The following ERBB4 variants were observed in gnomAD, a reference collection of about 807,000 sequenced individuals.
The protein encoded by ERBB4 is receptor tyrosine-protein kinase erbB-4.
Under a neutral mutation model 158.0 loss-of-function variants are expected in ERBB4, and 42 were observed. The observed-to-expected ratio is 0.27, with a 90% CI of 0.21 to 0.34. The LOEUF (loss-of-function observed/expected upper bound fraction) is 0.34. Ranked by LOEUF, ERBB4 falls within the 10% of genes least tolerant of loss-of-function variation. The pLI is 1.00. For missense variants in ERBB4, 1,333 were observed against 1,624.1 expected, an observed-to-expected ratio of 0.82 and a Z score of 3.08; for synonymous variants, 583 against 558.7, an observed-to-expected ratio of 1.04 and a Z score of -0.61.
intron 2 of ERBB4, among the ~76,000 whole-genome samples, chr2:212,052,895 T>C (rs1272389528): frequency 6.6e-6 from 1 of 152,240 alleles, no homozygotes; most frequent in Non-Finnish European, 1.5e-5. Flanking sequence ...TGTTCTCCCA[T>C]TTGACATCAC....
At chr2:211,623,499 C>T (rs554186550) in intron 18 of ERBB4, among the ~76,000 whole-genome samples, 4 of 151,968 alleles carry the variant, frequency 2.6e-5, no homozygotes, top group East Asian at 1.9e-4. Context: ...GATGGAGAGG[C>T]GTTGGATAAA....
chr2:211,679,160 T>C lies in ERBB4; in HGVS notation c.1514A>G (p.His505Arg), dbSNP rs759391678. 6.2e-7 allele frequency: 1 copy of C among 1,613,900 alleles called. No homozygotes were observed. Among genetic ancestry groups the C allele is most frequent in the South Asian group, 1.1e-5 (1 of 91,074 alleles). ...NCTAEGMVCN[H>R]LCSSDGCWGP... is the part of the protein sequence containing the mutation. The stretch of plus-strand genomic sequence containing the variant: ...CCAACAGCCATCACTGGAACACAGA[T>C]GGTTGCACACCATTCCTTCAGCAGC... The change falls in exon 13 of 28, where the codon CAT becomes CGT. Residue 505 changes from histidine (H) to arginine (R), a missense_variant. Around this residue, in one of 5 missense-constraint regions of ERBB4, gnomAD observed 245 missense variants for 247.5 expected, o/e 0.99. Coordinates refer to ENST00000342788, the MANE Select transcript of ERBB4 (RefSeq NM_005235.3).
intron 17 of ERBB4, among the ~76,000 whole-genome samples, chr2:211,627,008 C>G (rs1004303257): frequency 6.6e-6 from 1 of 151,260 alleles, no homozygotes; most frequent in African/African-American, 2.4e-5. Flanking sequence ...GTTTGAAGGA[C>G]ATTCTTATAA....
intron 2 of ERBB4, among the ~76,000 whole-genome samples, chr2:211,988,591 A>G (rs1395760593): frequency 6.6e-6 from 1 of 152,068 alleles, no homozygotes; most frequent in Non-Finnish European, 1.5e-5. Flanking sequence ...TCAAGTTTCT[A>G]AATTATTCTT....
intron 1 of ERBB4, among the ~76,000 whole-genome samples, chr2:212,335,568 A>G (rs2088396722): frequency 6.6e-6 from 1 of 152,028 alleles, no homozygotes; most frequent in African/African-American, 2.4e-5. Flanking sequence ...GATTCAATTA[A>G]TAACTGTTAT....
intron 20 of ERBB4, among the ~76,000 whole-genome samples, chr2:211,479,229 A>T (rs1240491736): frequency 6.6e-6 from 1 of 152,122 alleles, no homozygotes; most frequent in African/African-American, 2.4e-5. Flanking sequence ...TGGTCTGGAG[A>T]TCATACTCTG....
chr2:211,508,148 C>A (rs1460535897), intron 20 of ERBB4, among the ~76,000 whole-genome samples: 2 of 152,002 alleles, frequency 1.3e-5, no homozygotes, highest in African/African-American at 4.8e-5. Flanking sequence ...TCTAATCAAA[C>A]TAAAGAGCTT....
intron 20 of ERBB4, among the ~76,000 whole-genome samples, chr2:211,510,681 G>C (rs1269618402): frequency 6.6e-6 from 1 of 152,008 alleles, no homozygotes; most frequent in African/African-American, 2.4e-5. Context: ...AAAGCTGTAT[G>C]ATTATTAAAA....
chr2:211,741,276 A>G (rs1203789577), intron 5 of ERBB4, among the ~76,000 whole-genome samples: 1 of 152,198 alleles, frequency 6.6e-6, no homozygotes, highest in Admixed American at 6.5e-5. Context: ...TTTTACTGGT[A>G]GAACTTTCAG....
rs141734574 is a variant in ERBB4, at chr2:211,939,559, C to T, written c.421+7871G>A. On this transcript the variant is annotated intron_variant, in intron 3 of 27. Coordinates refer to ENST00000342788, the MANE Select transcript of ERBB4 (RefSeq NM_005235.3). ...TAGGTTCTGCCAAGCTTGAGGCTGCCTCCTCTAACTAAACTTGATGATGTA... is the reference window on the plus strand; with the variant it reads ...TAGGTTCTGCCAAGCTTGAGGCTGCTTCCTCTAACTAAACTTGATGATGTA... 3.3e-5 allele frequency among the ~76,000 whole-genome samples: 5 copies of T among 152,164 alleles called. No homozygotes were observed. The East Asian group carries it at 9.6e-4, about 29-fold the overall frequency.
At chr2:212,240,662 A>AAAAAAAAAAAAAAAAAACAAAAAC (rs1559823282) in intron 1 of ERBB4, among the ~76,000 whole-genome samples, 2 of 147,450 alleles carry the variant, frequency 1.4e-5, no homozygotes, top group African/African-American at 2.5e-5. Flanking sequence ...AAAAAAAAAA[A>AAAAAAAAAAAAAAAAAACAAAAAC]AAAAACAGAA....
intron 20 of ERBB4, among the ~76,000 whole-genome samples, chr2:211,554,003 T>G (rs2067172161): frequency 6.6e-6 from 1 of 152,226 alleles, no homozygotes; most frequent in Non-Finnish European, 1.5e-5. Flanking sequence ...CATGTTCTCA[T>G]GAAGACAATA....
intron 7 of ERBB4, among the ~76,000 whole-genome samples, chr2:211,713,852 T>C (rs576876557): frequency 6.6e-6 from 1 of 152,328 alleles, no homozygotes; most frequent in East Asian, 1.9e-4. Flanking sequence ...CAACAACTAG[T>C]ACTTGCTTGG....
At chr2:212,528,699 C>T (rs1346402839) in intron 1 of ERBB4, among the ~76,000 whole-genome samples, 1 of 152,080 alleles carries the variant, frequency 6.6e-6, no homozygotes, top group Non-Finnish European at 1.5e-5. Flanking sequence ...AATCTGGTAA[C>T]CTGAAAAGAA....
chr2:211,748,666 T>C (rs1019352728), intron 5 of ERBB4, among the ~76,000 whole-genome samples: 1 of 152,242 alleles, frequency 6.6e-6, no homozygotes, highest in African/African-American at 2.4e-5. Flanking sequence ...AAGGAGCTTT[T>C]GCAGAAGCCT....
chr2:212,432,872 C>T (rs1025337160), intron 1 of ERBB4, among the ~76,000 whole-genome samples: 9 of 151,956 alleles, frequency 5.9e-5, no homozygotes, highest in African/African-American at 1.7e-4. Flanking sequence ...TTCAGATGGT[C>T]GGTGAGGATA....
intron 1 of ERBB4, among the ~76,000 whole-genome samples, chr2:212,423,188 A>T (rs1340192290): frequency 6.6e-6 from 1 of 152,136 alleles, no homozygotes; most frequent in Non-Finnish European, 1.5e-5. Flanking sequence ...AAAAAAATGC[A>T]ATTATAAGCA....
At chr2:211,918,600 T>C (rs2079767590) in intron 3 of ERBB4, among the ~76,000 whole-genome samples, 2 of 152,194 alleles carry the variant, frequency 1.3e-5, no homozygotes, top group African/African-American at 4.8e-5. Flanking sequence ...GTCCCTCTAG[T>C]ACTATTCTCC....
intron 10 of ERBB4, among the ~76,000 whole-genome samples, chr2:211,704,873 CAT>C (rs1399912704): frequency 3.9e-5 from 6 of 152,166 alleles, no homozygotes; most frequent in Non-Finnish European, 8.8e-5. Flanking sequence ...TTAAAAATAA[CAT>C]GAGTTTTTAC....
Sources: gnomAD v4.1 joint callset for allele counts (sites outside exome capture counted in the v4.1 genomes callset) on GRCh38, gnomAD v4.1.1 for gene constraint, gnomAD v4.1.1 regional missense constraint, MANE v1.5 for transcripts, NCBI Gene and HGNC (gene_info 2026-07-23, HGNC 2026-07-21) for gene names.